The following NOX4 variants were observed in gnomAD, a reference collection of about 807,000 sequenced individuals.
NOX4 encodes the protein NADPH oxidase 4, also known as kidney oxidase-1.
A neutral mutation model predicts 87.6 loss-of-function variants in NOX4; 69 were observed. That is an observed-to-expected ratio of 0.79 (90% CI 0.65 to 0.96). The LOEUF (loss-of-function observed/expected upper bound fraction) is 0.96. Among genes scored for constraint, NOX4 ranks in the 40% least tolerant of loss-of-function variants. The probability of loss-of-function intolerance (pLI) is 0.00; values close to 1 mark genes in which losing one functional copy is unlikely to be tolerated. For missense variants in NOX4, 680 were observed against 681.5 expected (o/e 1.00, Z 0.02); for synonymous variants, 275 against 238.2 (o/e 1.15, Z -1.42).
At chr11:89,369,569 T>C (rs1417117935) in intron 12 of NOX4, among the ~76,000 whole-genome samples, 1 of 152,088 alleles carries the variant, frequency 6.6e-6, no homozygotes, top group East Asian at 1.9e-4. Context: ...TGACTAATCG[T>C]TGTAATTCAC....
the NOX4 span, among the ~76,000 whole-genome samples, chr11:89,552,398 A>G: frequency 6.6e-6 from 1 of 152,164 alleles, no homozygotes; most frequent in Non-Finnish European, 1.5e-5. Context: ...GAACTTATCA[A>G]GCTCCTTTAA....
chr11:89,573,399 C>T, the NOX4 span, among the ~76,000 whole-genome samples: 4 of 152,090 alleles, frequency 2.6e-5, no homozygotes, highest in East Asian at 3.9e-4. Flanking sequence ...ATTAGCCAGG[C>T]GTGGTGGCGG....
chr11:89,490,490 G>C lies in NOX4; in HGVS notation c.121C>G (p.Pro41Ala). The C allele has an allele frequency of 1.9e-6, 3 of 1,613,804 alleles. No individual in the cohort carries two copies. The highest frequency in any genetic ancestry group is 2.5e-6 in the Non-Finnish European group (3 of 1,179,772). ...ATCTGGTGGAGGTAGTGATACTCTG[G>C]CCCTTGGTTATACAGCAAGAAGGTT... The part of the protein sequence containing the change: ...WKTFLLYNQG[P>A]EYHYLHQMLG... The change falls in exon 2 of 18, where the codon CCA becomes GCA. Residue 41 changes from proline to alanine, a missense_variant. Coordinates refer to ENST00000263317, the MANE Select transcript of NOX4 (RefSeq NM_016931.5).
At chr11:89,461,033 T>C (rs1263447312) in intron 2 of NOX4, among the ~76,000 whole-genome samples, 1 of 152,098 alleles carries the variant, frequency 6.6e-6, no homozygotes, top group Non-Finnish European at 1.5e-5. Flanking sequence ...TTGGAAATCA[T>C]CATTCTCAGC....
chr11:89,586,524 A>G, the NOX4 span, among the ~76,000 whole-genome samples: 1 of 152,178 alleles, frequency 6.6e-6, no homozygotes, highest in South Asian at 2.1e-4. Context: ...CAAGTAACTC[A>G]TTTAAGTATT....
intron 7 of NOX4, among the ~76,000 whole-genome samples, chr11:89,428,817 G>A (rs4598673): frequency 0.2 from 29,689 of 151,978 alleles, 3,354 homozygotes; most frequent in Non-Finnish European, 0.27. Flanking sequence ...GAGACAGAAA[G>A]TTAACAAGGA....
intron 4 of NOX4, among the ~76,000 whole-genome samples, chr11:89,448,403 T>C (rs1319635812): frequency 6.6e-6 from 1 of 152,190 alleles, no homozygotes; most frequent in Non-Finnish European, 1.5e-5. Flanking sequence ...GATCAAAATG[T>C]ATTTTAAAAA....
chr11:89,556,307 G>C, the NOX4 span, among the ~76,000 whole-genome samples: 1 of 152,128 alleles, frequency 6.6e-6, no homozygotes, highest in Non-Finnish European at 1.5e-5. Flanking sequence ...TGGATTACCT[G>C]AACTCAGGAG....
At chr11:89,497,195 T>C (rs544617648), upstream of NOX4, among the ~76,000 whole-genome samples, 10 of 152,324 alleles carry the variant, frequency 6.6e-5, no homozygotes, top group East Asian at 5.8e-4. Flanking sequence ...GTTGTGTCTA[T>C]TGTTTATGAT....
the NOX4 span, among the ~76,000 whole-genome samples, chr11:89,566,895 G>A: frequency 4.6e-5 from 7 of 152,060 alleles, no homozygotes; most frequent in East Asian, 1.9e-4. Flanking sequence ...AGTATTAACC[G>A]TAGGAATCCC....
the NOX4 span, among the ~76,000 whole-genome samples, chr11:89,519,931 TTCTC>T: frequency 4.6e-5 from 7 of 151,762 alleles, no homozygotes; most frequent in Non-Finnish European, 1.0e-4. Context: ...GAAAGCATCA[TTCTC>T]TCTCTCTCTT....
At chr11:89,512,502 C>T in the NOX4 span, among the ~76,000 whole-genome samples, 1 of 152,020 alleles carries the variant, frequency 6.6e-6, no homozygotes, top group African/African-American at 2.4e-5. Flanking sequence ...TTAGGTAACT[C>T]ATGTAAGTAG....
chr11:89,588,806 G>A, the NOX4 span, among the ~76,000 whole-genome samples: 9 of 152,112 alleles, frequency 5.9e-5, no homozygotes, highest in African/African-American at 9.7e-5. Context: ...TTGAGAATGC[G>A]AAATAAATAC....
intron 7 of NOX4, among the ~76,000 whole-genome samples, chr11:89,422,728 T>G (rs1474487077): frequency 6.6e-6 from 1 of 151,640 alleles, no homozygotes; most frequent in Admixed American, 6.6e-5. Context: ...TTACATTTAC[T>G]CCACTCATAG....
the NOX4 span, among the ~76,000 whole-genome samples, chr11:89,581,797 A>T: frequency 6.6e-6 from 1 of 152,170 alleles, no homozygotes; most frequent in African/African-American, 2.4e-5. Flanking sequence ...TAAAATCATG[A>T]CCACAATCTA....
At chr11:89,329,155 A>G (rs1945345539) in intron 17 of NOX4, among the ~76,000 whole-genome samples, 1 of 152,022 alleles carries the variant, frequency 6.6e-6, no homozygotes, top group Admixed American at 6.6e-5. Context: ...TCATATATTT[A>G]AAGAAAAGCA....
intron 2 of NOX4, among the ~76,000 whole-genome samples, chr11:89,468,420 G>C (rs753662889): frequency 2.6e-5 from 4 of 152,162 alleles, no homozygotes; most frequent in Non-Finnish European, 4.4e-5. Context: ...GTACATTCTT[G>C]ACAAAAGGTC....
At chr11:89,580,934 C>T in the NOX4 span, among the ~76,000 whole-genome samples, 7 of 152,174 alleles carry the variant, frequency 4.6e-5, no homozygotes, top group South Asian at 1.2e-3. Context: ...ATTCAGTAAA[C>T]ACTCCAAGGA....
intron 2 of NOX4, among the ~76,000 whole-genome samples, chr11:89,456,730 G>T (rs2135402824): frequency 6.6e-6 from 1 of 152,330 alleles, no homozygotes; most frequent in South Asian, 2.1e-4. Context: ...TGAGCTGGCA[G>T]AGAGTTGGCA....
Sources: gnomAD v4.1 joint callset for allele counts (sites outside exome capture counted in the v4.1 genomes callset) on GRCh38, gnomAD v4.1.1 for gene constraint, MANE v1.5 for transcripts, NCBI Gene and HGNC (gene_info 2026-07-23, HGNC 2026-07-21) for gene names.